ST7: variants seen among roughly 807,000 people sequenced by gnomAD.
ST7 encodes suppressor of tumorigenicity 7 protein.
A neutral mutation model predicts 78.7 loss-of-function variants in ST7; 28 were observed. That is an observed-to-expected ratio of 0.36 (90% CI 0.26 to 0.49). The LOEUF is 0.49. Among genes scored for constraint, ST7 ranks in the 20% least tolerant of loss-of-function variants. The pLI is 0.99. For missense variants in ST7, 418 were observed against 696.0 expected (o/e 0.60, Z 4.49); for synonymous variants, 247 against 249.6 (o/e 0.99, Z 0.10).
At chr7:117,227,004 A>G (rs1793491198) in intron 15 of ST7, among the ~76,000 whole-genome samples, 1 of 152,230 alleles carries the variant, frequency 6.6e-6, no homozygotes, top group Admixed American at 6.5e-5. Flanking sequence ...GCATTTATGG[A>G]CATCAACCAG....
At chr7:117,123,482 A>G (rs1236408636) in intron 3 of ST7, among the ~76,000 whole-genome samples, 1 of 152,178 alleles carries the variant, frequency 6.6e-6, no homozygotes, top group Non-Finnish European at 1.5e-5. Flanking sequence ...AATGTAGTTA[A>G]TTATACAGTT....
intron 9 of ST7, among the ~76,000 whole-genome samples, chr7:117,168,659 G>T (rs987041840): frequency 1.3e-5 from 2 of 152,210 alleles, no homozygotes; most frequent in African/African-American, 4.8e-5. Context: ...CTCTAGGGAA[G>T]TTCGGACCAT....
intron 12 of ST7, among the ~76,000 whole-genome samples, chr7:117,205,637 G>T (rs777071968): frequency 6.6e-6 from 1 of 152,152 alleles, no homozygotes; most frequent in Non-Finnish European, 1.5e-5. Flanking sequence ...TCCCTGACAG[G>T]TGAGCCAGTC....
At chr7:117,073,262 G>T (rs1799105969) in intron 1 of ST7, 1 of 152,044 alleles carries the variant, frequency 6.6e-6, no homozygotes, top group Admixed American at 6.5e-5. Flanking sequence ...AGTATTAAAT[G>T]AATGAGATAG....
At chr7:116,956,135 G>C (rs1480541526) in intron 1 of ST7, among the ~76,000 whole-genome samples, 1 of 152,212 alleles carries the variant, frequency 6.6e-6, no homozygotes, top group Non-Finnish European at 1.5e-5. Flanking sequence ...TCAAAAAACA[G>C]TTGCAGACAT....
chr7:116,981,116 T>G (rs576962974), intron 1 of ST7, among the ~76,000 whole-genome samples: 13 of 150,972 alleles, frequency 8.6e-5, no homozygotes, highest in Admixed American at 4.6e-4. Context: ...GTAGTTTTGT[T>G]TTTTTTTTTA....
In ST7 at chr7:117,132,252, T is replaced by C. The variant is rs188383692; in HGVS notation, c.641+292T>C. On this transcript the variant is annotated intron_variant, in intron 6 of 15. Transcript: ENST00000323984. ...TAAAATAAATACAATTCTTTACATA[T>C]CTAAAACATTCTGACAGGGAAAATT... 2.3e-3 allele frequency among the ~76,000 whole-genome samples: 356 copies of C among 151,906 alleles called. 3 individuals are homozygous for C. In the South Asian group the frequency reaches 0.025, roughly 11 times the overall value.
chr7:117,228,436 T>G (rs140742214), intron 15 of ST7, among the ~76,000 whole-genome samples: 1 of 152,332 alleles, frequency 6.6e-6, no homozygotes, highest in East Asian at 1.9e-4. Flanking sequence ...TAAATACATT[T>G]AATTGGTGTA....
Position 117,170,910 on chromosome 7 carries a change from C to G in ST7, c.1012C>G (p.Leu338Val), listed in dbSNP as rs1426237364. Residue 338 changes from leucine to valine, a missense_variant, in exon 10 of 16, where the codon CTT becomes GTT. Coordinates refer to ENST00000323984, the MANE Select transcript of ST7 (RefSeq NM_001369598.1). ...LLSMFNIHEN[L>V]LEALLELQAY... ...GAGTATGTTCAATATCCATGAAAAC[C>G]TTTTAGAAGCCCTTCTGGAACTACA... 6.2e-7 allele frequency: 1 copy of G among 1,611,926 alleles called. No homozygotes were observed.
chr7:117,110,295 C>T (rs1802323427), intron 2 of ST7, among the ~76,000 whole-genome samples: 2 of 152,292 alleles, frequency 1.3e-5, no homozygotes, highest in South Asian at 4.1e-4. Context: ...CACTCTGATG[C>T]TGAAAGGTAG....
At chr7:117,140,211 T>G (rs1443376210) in intron 9 of ST7, among the ~76,000 whole-genome samples, 3 of 152,332 alleles carry the variant, frequency 2.0e-5, no homozygotes, top group Admixed American at 2.0e-4. Flanking sequence ...TTTACTATTA[T>G]TTTATACTTA....
intron 12 of ST7, among the ~76,000 whole-genome samples, chr7:117,205,945 A>G (rs542114224): frequency 6.6e-6 from 1 of 152,358 alleles, no homozygotes; most frequent in East Asian, 1.9e-4. Flanking sequence ...TGATTTCTGC[A>G]TACTTGTGGA....
intron 1 of ST7, among the ~76,000 whole-genome samples, chr7:117,001,687 T>C (rs1272923215): frequency 6.6e-6 from 1 of 152,214 alleles, no homozygotes; most frequent in East Asian, 1.9e-4. Context: ...TTAGTGTTAT[T>C]ATCTTTTTTT....
intron 1 of ST7, among the ~76,000 whole-genome samples, chr7:117,000,968 T>G (rs1585122979): frequency 6.6e-6 from 1 of 152,226 alleles, no homozygotes; most frequent in East Asian, 1.9e-4. Flanking sequence ...CTTCTGGATG[T>G]TTTTCTGTAT....
intron 9 of ST7, among the ~76,000 whole-genome samples, chr7:117,150,384 G>A (rs990321918): frequency 2.0e-5 from 3 of 152,084 alleles, no homozygotes; most frequent in Admixed American, 6.6e-5. Flanking sequence ...TCTTCATAGT[G>A]TTCCATCTTC....
rs149072948 is a variant in ST7 at position 117,156,677 on chromosome 7, G to T, written c.964-14185G>T. 2.1e-3 allele frequency among the ~76,000 whole-genome samples: 322 copies of T among 152,320 alleles called. 2 individuals carry two copies. The highest frequency in any genetic ancestry group is 7.4e-3 in the African/African-American group (309 of 41,576). On this transcript the variant is annotated intron_variant, in intron 9 of 15. Transcript: ENST00000323984. ...AGGAGAAGCATCCAGTGGCTTCTGA[G>T]CAGGAGCAGCTGGAAAGGCAAGAGT...
At chr7:117,052,160 A>T (rs1797819564) in intron 1 of ST7, among the ~76,000 whole-genome samples, 1 of 152,218 alleles carries the variant, frequency 6.6e-6, no homozygotes, top group East Asian at 1.9e-4. Context: ...AGAAGATTTA[A>T]AAACAAAAAA....
chr7:117,036,256 C>T (rs188586575), intron 1 of ST7, among the ~76,000 whole-genome samples: 321 of 152,320 alleles, frequency 2.1e-3, no homozygotes, highest in African/African-American at 7.2e-3. Context: ...TTAGCCACCT[C>T]CCTAATGGTG....
chr7:117,084,901 T>C (rs2116639469), intron 1 of ST7, among the ~76,000 whole-genome samples: 1 of 152,352 alleles, frequency 6.6e-6, no homozygotes, highest in Admixed American at 6.5e-5. Flanking sequence ...GTTTTTACTT[T>C]TCTCAAAAGC....
Sources: allele counts gnomAD v4.1 joint callset (sites outside exome capture counted in the v4.1 genomes callset), GRCh38; gene constraint gnomAD v4.1.1; transcripts MANE v1.5; gene names NCBI Gene and HGNC (gene_info 2026-07-23, HGNC 2026-07-21).